CTNNA2: variants seen among roughly 807,000 people sequenced by gnomAD.
The protein encoded by CTNNA2 is catenin alpha 2.
CTNNA2 carries 42 observed loss-of-function variants against 101.0 expected under a neutral mutation model. The ratio of observed to expected loss-of-function variants is 0.42; its 90% CI spans 0.32 to 0.54. The LOEUF (loss-of-function observed/expected upper bound fraction) is 0.54. Among genes scored for constraint, CTNNA2 ranks in the 20% least tolerant of loss-of-function variants. CTNNA2 has a pLI of 0.14. For missense variants in CTNNA2, 871 were observed against 1,223.1 expected, an observed-to-expected ratio of 0.71 and a Z score of 4.29; for synonymous variants, 450 against 456.4, an observed-to-expected ratio of 0.99 and a Z score of 0.18.
chr2:79,568,270 T>C (rs17765076), intron 1 of CTNNA2, among the ~76,000 whole-genome samples: 7,380 of 152,248 alleles, frequency 0.048, 241 homozygotes, highest in Non-Finnish European at 0.069. Flanking sequence ...ATGCCCCCAG[T>C]GAAGTTTAGT....
At chr2:80,522,832 C>T (rs1573122261) in intron 9 of CTNNA2, among the ~76,000 whole-genome samples, 1 of 152,256 alleles carries the variant, frequency 6.6e-6, no homozygotes, top group East Asian at 1.9e-4. Flanking sequence ...AACCTCTTTT[C>T]TTTATAAATT....
intron 7 of CTNNA2, among the ~76,000 whole-genome samples, chr2:80,031,974 A>G (rs1002518935): frequency 1.3e-5 from 2 of 152,220 alleles, no homozygotes; most frequent in Non-Finnish European, 2.9e-5. Flanking sequence ...TTCTTGAGAA[A>G]TCTGTTTTGA....
intron 18 of CTNNA2, among the ~76,000 whole-genome samples, chr2:80,634,067 C>A (rs558453251): frequency 6.6e-6 from 1 of 152,266 alleles, no homozygotes; most frequent in Admixed American, 6.6e-5. Context: ...TTGGACAAGC[C>A]TTTCACGTCC....
chr2:79,731,365 A>G (rs1204392449), intron 2 of CTNNA2, among the ~76,000 whole-genome samples: 1 of 152,100 alleles, frequency 6.6e-6, no homozygotes, highest in East Asian at 1.9e-4. Flanking sequence ...CAGTTTTACC[A>G]AATGTGGTTG....
intron 4 of CTNNA2, among the ~76,000 whole-genome samples, chr2:79,413,119 C>T (rs548024950): frequency 2.6e-5 from 4 of 152,112 alleles, no homozygotes; most frequent in South Asian, 2.1e-4. Flanking sequence ...CACAGATTTA[C>T]TCTCTGTTTT....
chr2:80,627,698 G>A (rs769821474), intron 18 of CTNNA2, among the ~76,000 whole-genome samples: 13 of 152,122 alleles, frequency 8.5e-5, no homozygotes, highest in Non-Finnish European at 1.8e-4. Flanking sequence ...CTGTGCAGAA[G>A]TTCATTAGTT....
rs1373670856 is a variant in CTNNA2 at position 79,874,348 on chromosome 2, C to G, written c.852+6C>G. On this transcript the variant is annotated splice_donor_region_variant and intron_variant, in intron 6 of 18. Transcript: ENST00000402739. ...CGGCTCTTAATGAGTTTGACGTAAG[C>G]ATCCTGGTGAGGTACACAGAGGGGT... The G allele has an allele frequency of 6.2e-7, 1 of 1,612,590 alleles. No homozygotes were observed. Among genetic ancestry groups the G allele is most frequent in the Admixed American group, 1.7e-5 (1 of 59,934 alleles).
chr2:80,429,494 C>A (rs1030918110), intron 9 of CTNNA2, among the ~76,000 whole-genome samples: 9 of 152,188 alleles, frequency 5.9e-5, no homozygotes, highest in Admixed American at 5.9e-4. Flanking sequence ...TTCAAGGTAT[C>A]TGTACAGCCT....
intron 7 of CTNNA2, among the ~76,000 whole-genome samples, chr2:79,913,770 T>C (rs1481530621): frequency 6.6e-6 from 1 of 152,206 alleles, no homozygotes; most frequent in African/African-American, 2.4e-5. Flanking sequence ...TTTTGGATGA[T>C]TTGCATTTTG....
intron 2 of CTNNA2, among the ~76,000 whole-genome samples, chr2:79,275,336 G>A (rs1675184476): frequency 6.6e-6 from 1 of 151,898 alleles, no homozygotes; most frequent in South Asian, 2.1e-4. Context: ...ATACGGGAAT[G>A]GCCAAACAGA....
intron 3 of CTNNA2, among the ~76,000 whole-genome samples, chr2:79,357,648 TA>T (rs529898741): frequency 8.4e-4 from 128 of 151,558 alleles, no homozygotes; most frequent in African/African-American, 3.0e-3. Flanking sequence ...TTTAGTAGAG[TA>T]AAAATCAAGA....
chr2:80,245,794 C>CTTTTT lies in CTNNA2; in HGVS notation c.1057-147392_1057-147388dup, dbSNP rs34625586. Among the ~76,000 whole-genome samples, 6 of 58,954 alleles carry CTTTTT rather than the reference C, an allele frequency of 1.0e-4. 1 individual carries two copies. The highest frequency in any genetic ancestry group is 3.3e-4 in the African/African-American group (4 of 12,280). The allele number at this position is 58,954 out of a possible 152,430, so 38.7% of individuals were successfully genotyped here. ...ATTTAAAACTGTGATTATGATTTAA[C>CTTTTT]TTTTTTTTTTTTTTTTTTTTTTTTT... On this transcript the variant is annotated intron_variant, in intron 7 of 18. Transcript: ENST00000402739.
chr2:80,498,351 C>T (rs957582548), intron 9 of CTNNA2, among the ~76,000 whole-genome samples: 6 of 152,222 alleles, frequency 3.9e-5, no homozygotes, highest in African/African-American at 1.4e-4. Flanking sequence ...TCACCTGTGA[C>T]TGACTGAAAG....
chr2:80,222,498 A>G (rs1375944517), intron 7 of CTNNA2, among the ~76,000 whole-genome samples: 12 of 152,194 alleles, frequency 7.9e-5, no homozygotes. Flanking sequence ...TTAAGGTCCA[A>G]AGAAATGCCA....
At chr2:80,169,445 C>T (rs1464898868) in intron 7 of CTNNA2, among the ~76,000 whole-genome samples, 2 of 152,098 alleles carry the variant, frequency 1.3e-5, no homozygotes, top group Non-Finnish European at 2.9e-5. Context: ...ATACGTGTTA[C>T]AAAAGAAGAA....
intron 4 of CTNNA2, among the ~76,000 whole-genome samples, chr2:79,434,592 G>A (rs1483385282): frequency 6.6e-6 from 1 of 152,186 alleles, no homozygotes; most frequent in Non-Finnish European, 1.5e-5. Context: ...TGAGGCTGGA[G>A]GGGCAAGGTC....
At chr2:79,760,157 A>G (rs181473169) in intron 3 of CTNNA2, among the ~76,000 whole-genome samples, 21 of 152,326 alleles carry the variant, frequency 1.4e-4, no homozygotes, top group African/African-American at 4.3e-4. Context: ...AATGATTGTC[A>G]TATAGGCAAG....
chr2:79,307,751 G>A (rs1676279732), intron 2 of CTNNA2, among the ~76,000 whole-genome samples: 1 of 152,178 alleles, frequency 6.6e-6, no homozygotes, highest in Non-Finnish European at 1.5e-5. Flanking sequence ...TGGGATTGCT[G>A]AAGCATATGG....
chr2:80,528,063 C>A (rs1690190371), intron 9 of CTNNA2, among the ~76,000 whole-genome samples: 1 of 152,088 alleles, frequency 6.6e-6, no homozygotes, highest in Admixed American at 6.5e-5. Flanking sequence ...GCTGCATGAC[C>A]AAGGGAAAAT....
Sources: allele counts gnomAD v4.1 joint callset (sites outside exome capture counted in the v4.1 genomes callset), GRCh38; gene constraint gnomAD v4.1.1; transcripts MANE v1.5; gene names NCBI Gene and HGNC (gene_info 2026-07-23, HGNC 2026-07-21).